The following EHBP1 variants were observed in gnomAD, a reference collection of about 807,000 sequenced individuals.
EHBP1 encodes EH domain binding protein 1.
EHBP1 carries 55 observed loss-of-function variants against 144.0 expected under a neutral mutation model. The ratio of observed to expected loss-of-function variants is 0.38; its 90% CI spans 0.31 to 0.48. The LOEUF (loss-of-function observed/expected upper bound fraction) is 0.48. EHBP1 is among the 20% of genes least tolerant of loss of function. EHBP1 has a pLI of 0.98. For missense variants in EHBP1, 1,200 were observed against 1,364.2 expected, an observed-to-expected ratio of 0.88 and a Z score of 1.90; for synonymous variants, 469 against 472.7, an observed-to-expected ratio of 0.99 and a Z score of 0.10.
intron 19 of EHBP1, 113 bp from the exon 20 acceptor site, chr2:63,037,422 A>G: frequency 4.5e-6 from 3 of 660,960 alleles, no homozygotes; most frequent in Non-Finnish European, 7.8e-6. Context: ...GCAGTTTAAT[A>G]TATAGTATTA....
intron 10 of EHBP1, among the ~76,000 whole-genome samples, chr2:62,942,481 G>A (rs1417043376): frequency 6.6e-6 from 1 of 152,168 alleles, no homozygotes; most frequent in Non-Finnish European, 1.5e-5. Flanking sequence ...CTGTTCTTAT[G>A]TATAAGTTTA....
At chr2:62,758,029 A>G (rs892750115) in intron 3 of EHBP1, among the ~76,000 whole-genome samples, 3 of 151,718 alleles carry the variant, frequency 2.0e-5, no homozygotes, top group Admixed American at 6.6e-5. Context: ...AAAAAAAAAA[A>G]TTTACTTCTC....
intron 14 of EHBP1, among the ~76,000 whole-genome samples, chr2:62,960,501 G>C (rs2057948441): frequency 6.6e-6 from 1 of 152,058 alleles, no homozygotes; most frequent in African/African-American, 2.4e-5. Context: ...ACCGTAGCAT[G>C]CATTCATCCC....
chr2:62,716,562 C>G (rs1287937446), intron 2 of EHBP1, among the ~76,000 whole-genome samples: 1 of 152,138 alleles, frequency 6.6e-6, no homozygotes, highest in African/African-American at 2.4e-5. Context: ...TGGCAATACA[C>G]ATGTGTCTCA....
intron 5 of EHBP1, among the ~76,000 whole-genome samples, chr2:62,810,767 A>G (rs577643571): frequency 6.6e-5 from 10 of 152,358 alleles, no homozygotes; most frequent in African/African-American, 2.2e-4. Flanking sequence ...AGAACATCTA[A>G]TGGAAGCTAA....
chr2:62,889,712 T>C (rs1364122820), intron 10 of EHBP1, among the ~76,000 whole-genome samples: 1 of 152,194 alleles, frequency 6.6e-6, no homozygotes, highest in Non-Finnish European at 1.5e-5. Flanking sequence ...GTTGTAAGGA[T>C]GTGGCCTCAT....
At chr2:62,772,572 A>G (rs931302357) in intron 5 of EHBP1, among the ~76,000 whole-genome samples, 4 of 152,384 alleles carry the variant, frequency 2.6e-5, no homozygotes, top group African/African-American at 9.6e-5. Flanking sequence ...AGATGACAGG[A>G]GTCAGGTAAA....
At chr2:62,876,386 C>T (rs777410919) in intron 10 of EHBP1, among the ~76,000 whole-genome samples, 5 of 152,230 alleles carry the variant, frequency 3.3e-5, no homozygotes, top group Admixed American at 1.3e-4. Flanking sequence ...AACTAAACTT[C>T]GTAAGATAAG....
chr2:62,877,327 C>T (rs1332671116), intron 10 of EHBP1, among the ~76,000 whole-genome samples: 1 of 152,046 alleles, frequency 6.6e-6, no homozygotes, highest in Non-Finnish European at 1.5e-5. Flanking sequence ...TAATATGCAC[C>T]CAACACTGGA....
intron 11 of EHBP1, among the ~76,000 whole-genome samples, chr2:62,943,204 C>T (rs2056866797): frequency 6.6e-6 from 1 of 151,988 alleles, no homozygotes; most frequent in South Asian, 2.1e-4. Context: ...TGGAGAAACA[C>T]CGTCTCTACT....
At chr2:63,030,705 G>A (rs2061206766) in intron 19 of EHBP1, among the ~76,000 whole-genome samples, 1 of 150,066 alleles carries the variant, frequency 6.7e-6, no homozygotes, top group Non-Finnish European at 1.5e-5. Flanking sequence ...GTTAGCCAGG[G>A]TGGTCTTGAT....
At chr2:62,910,629 C>A (rs2054148013) in intron 10 of EHBP1, among the ~76,000 whole-genome samples, 1 of 151,644 alleles carries the variant, frequency 6.6e-6, no homozygotes, top group Admixed American at 6.6e-5. Context: ...CTACTCGTGG[C>A]AGCTTTGGTA....
chr2:62,952,001 G>A (rs771974448), intron 13 of EHBP1, among the ~76,000 whole-genome samples: 5 of 152,194 alleles, frequency 3.3e-5, no homozygotes, highest in East Asian at 3.9e-4. Flanking sequence ...AGCCTCTCTC[G>A]ATCTTATTTT....
intron 3 of EHBP1, among the ~76,000 whole-genome samples, chr2:62,751,687 T>G (rs879574981): frequency 4.6e-5 from 7 of 152,240 alleles, no homozygotes; most frequent in Non-Finnish European, 8.8e-5. Context: ...ATTCAGAGAT[T>G]CAGCTTCTTC....
At chr2:62,955,010 A>G (rs1164827294) in intron 13 of EHBP1, among the ~76,000 whole-genome samples, 1 of 152,002 alleles carries the variant, frequency 6.6e-6, no homozygotes, top group Non-Finnish European at 1.5e-5. Context: ...AATGGGGAAG[A>G]CTAGTTTTAC....
chr2:62,785,051 A>G (rs920474541), intron 5 of EHBP1, among the ~76,000 whole-genome samples: 1 of 152,036 alleles, frequency 6.6e-6, no homozygotes, highest in African/African-American at 2.4e-5. Context: ...CTGTAGCTGT[A>G]AGAAATACAT....
chr2:62,719,470 A>G (rs988120900), intron 2 of EHBP1, among the ~76,000 whole-genome samples: 1 of 152,176 alleles, frequency 6.6e-6, no homozygotes, highest in African/African-American at 2.4e-5. Context: ...AACTGTGCCA[A>G]GGAGCCCAGG....
At chr2:62,894,044 CAA>C (rs146913575) in intron 10 of EHBP1, among the ~76,000 whole-genome samples, 22 of 96,146 alleles carry the variant, frequency 2.3e-4, no homozygotes, top group Non-Finnish European at 1.7e-4. Flanking sequence ...GACTCCGTCT[CAA>C]AAAAAAAAAA....
chr2:62,680,315 T>C (rs887981319), intron 1 of EHBP1, among the ~76,000 whole-genome samples: 1 of 152,168 alleles, frequency 6.6e-6, no homozygotes, highest in Non-Finnish European at 1.5e-5. Context: ...CCCCTGTTCC[T>C]CAAGTTATTG....
Sources: gnomAD v4.1 joint callset for allele counts (sites outside exome capture counted in the v4.1 genomes callset) on GRCh38, gnomAD v4.1.1 for gene constraint, MANE v1.5 for transcripts, NCBI Gene and HGNC (gene_info 2026-07-23, HGNC 2026-07-21) for gene names.